NCKAP5: variants seen among roughly 807,000 people sequenced by gnomAD.
NCKAP5 encodes NCK associated protein 5, also known as nck-associated protein 5.
Under a neutral mutation model 167.0 loss-of-function variants are expected in NCKAP5, and 92 were observed. The observed-to-expected ratio is 0.55, with a 90% CI of 0.47 to 0.66. NCKAP5 has a LOEUF of 0.66. NCKAP5 is among the 30% of genes least tolerant of loss of function. NCKAP5 has a pLI of 0.00. For synonymous variants in NCKAP5, 891 were observed against 877.4 expected, an observed-to-expected ratio of 1.02 and a Z score of -0.27; for missense variants, 2,378 against 2,315.0, an observed-to-expected ratio of 1.03 and a Z score of -0.56.
At chr2:133,524,972 G>A (rs1395482024) in intron 2 of NCKAP5, among the ~76,000 whole-genome samples, 1 of 152,136 alleles carries the variant, frequency 6.6e-6, no homozygotes, top group East Asian at 1.9e-4. Flanking sequence ...GTATATGAGT[G>A]TATGTGTGCA....
intron 11 of NCKAP5, among the ~76,000 whole-genome samples, chr2:132,821,405 G>A (rs917432277): frequency 2.6e-5 from 4 of 152,124 alleles, no homozygotes; most frequent in African/African-American, 9.7e-5. Flanking sequence ...TAAGCCCCAG[G>A]AAGCCATCCC....
intron 6 of NCKAP5, among the ~76,000 whole-genome samples, chr2:133,069,880 T>C (rs2080330068): frequency 6.6e-6 from 1 of 151,752 alleles, no homozygotes; most frequent in Non-Finnish European, 1.5e-5. Flanking sequence ...AATATATATA[T>C]ATACACACAC....
chr2:133,657,244 T>A, the NCKAP5 span, among the ~76,000 whole-genome samples: 1 of 152,142 alleles, frequency 6.6e-6, no homozygotes, highest in Non-Finnish European at 1.5e-5. Flanking sequence ...CCCTCACCCA[T>A]CTTGCCCATG....
chr2:133,070,646 A>T (rs1660732219), intron 6 of NCKAP5, among the ~76,000 whole-genome samples: 1 of 152,150 alleles, frequency 6.6e-6, no homozygotes, highest in African/African-American at 2.4e-5. Flanking sequence ...TTTTCAAGTC[A>T]CTGCTACTTG....
At chr2:133,165,178 A>G (rs1215905849) in intron 5 of NCKAP5, among the ~76,000 whole-genome samples, 1 of 152,210 alleles carries the variant, frequency 6.6e-6, no homozygotes, top group Non-Finnish European at 1.5e-5. Context: ...ACACAGAATT[A>G]TCTGGCCCAA....
At chr2:133,205,120 C>G (rs1413647210) in intron 5 of NCKAP5, among the ~76,000 whole-genome samples, 2 of 151,950 alleles carry the variant, frequency 1.3e-5, no homozygotes, top group African/African-American at 4.8e-5. Context: ...GAAACCTTAT[C>G]TCTACAAAAA....
At chr2:133,459,836 C>T (rs1692093008) in intron 3 of NCKAP5, among the ~76,000 whole-genome samples, 1 of 152,126 alleles carries the variant, frequency 6.6e-6, no homozygotes, top group Admixed American at 6.6e-5. Flanking sequence ...CACACACTTT[C>T]ATTAGGAAGC....
At chr2:132,899,048 C>G (rs1693420585) in intron 8 of NCKAP5, among the ~76,000 whole-genome samples, 1 of 152,168 alleles carries the variant, frequency 6.6e-6, no homozygotes, top group South Asian at 2.1e-4. Flanking sequence ...GCCTCTTCTT[C>G]CAATATAAGA....
Position 133,471,837 on chromosome 2 carries a change from C to A in NCKAP5, c.69+45621G>T, listed in dbSNP as rs540701263. Reference sequence around the variant, plus strand: ...CCACTGCAATGCCCAGGAGATGATGCAAGCCATCCCTACCTCACTTGAAAA... The same window carrying A: ...CCACTGCAATGCCCAGGAGATGATGAAAGCCATCCCTACCTCACTTGAAAA... On this transcript the variant is annotated intron_variant, in intron 3 of 19. Transcript: ENST00000409261. 1.1e-3 allele frequency among the ~76,000 whole-genome samples: 174 copies of A among 152,338 alleles called. 1 individual carries two copies. Among genetic ancestry groups the A allele is most frequent in the African/African-American group, 3.5e-3 (145 of 41,576 alleles).
At chr2:132,968,110 G>A (rs1364835321) in intron 7 of NCKAP5, among the ~76,000 whole-genome samples, 1 of 152,158 alleles carries the variant, frequency 6.6e-6, no homozygotes, top group Non-Finnish European at 1.5e-5. Context: ...CAGGAAATGA[G>A]ATCAGAAAGA....
chr2:133,482,336 G>T (rs1680530744), intron 3 of NCKAP5, among the ~76,000 whole-genome samples: 1 of 151,754 alleles, frequency 6.6e-6, no homozygotes, highest in Non-Finnish European at 1.5e-5. Flanking sequence ...TCCTGCCTCA[G>T]CTTCCCGAGT....
intron 3 of NCKAP5, among the ~76,000 whole-genome samples, chr2:133,442,283 C>T (rs1477734911): frequency 6.6e-6 from 1 of 152,150 alleles, no homozygotes; most frequent in African/African-American, 2.4e-5. Context: ...CTAGACAGAG[C>T]TATGCACATA....
intron 3 of NCKAP5, among the ~76,000 whole-genome samples, chr2:133,308,077 C>CTTT (rs1574659188): frequency 3.4e-5 from 4 of 118,324 alleles, no homozygotes; most frequent in East Asian, 2.4e-4. Context: ...AATTATTGTT[C>CTTT]TATTTTTTTT....
At chr2:133,330,397 G>GT (rs796073785) in intron 3 of NCKAP5, among the ~76,000 whole-genome samples, 213 of 127,060 alleles carry the variant, frequency 1.7e-3, no homozygotes, top group African/African-American at 2.3e-3. Flanking sequence ...CATTGTTTTT[G>GT]TTTTTTTTTT....
At chr2:133,517,384 A>T in intron 3 of NCKAP5, 74 bp downstream of exon 3, 2 of 713,194 alleles carry the variant, frequency 2.8e-6, no homozygotes, top group Non-Finnish European at 4.3e-6. Flanking sequence ...CACAGCGTTC[A>T]GGAAATAACA....
intron 3 of NCKAP5, among the ~76,000 whole-genome samples, chr2:133,493,507 G>C (rs1681654504): frequency 6.6e-6 from 1 of 152,152 alleles, no homozygotes; most frequent in Non-Finnish European, 1.5e-5. Flanking sequence ...CGGGAGTAAA[G>C]AATTTTGTTT....
chr2:132,823,216 T>C (rs776586701), intron 11 of NCKAP5, among the ~76,000 whole-genome samples: 2 of 152,182 alleles, frequency 1.3e-5, no homozygotes, highest in Admixed American at 6.5e-5. Context: ...AGGGAATTCA[T>C]TGCAAAAAGA....
chr2:133,471,774 C>G (rs953104806), intron 3 of NCKAP5, among the ~76,000 whole-genome samples: 1 of 152,120 alleles, frequency 6.6e-6, no homozygotes, highest in Non-Finnish European at 1.5e-5. Context: ...CTTGTCCTGA[C>G]CAAATGCCCT....
chr2:132,751,656 G>A (rs1039240170), intron 16 of NCKAP5, among the ~76,000 whole-genome samples: 1 of 152,104 alleles, frequency 6.6e-6, no homozygotes, highest in African/African-American at 2.4e-5. Context: ...AACTTAGCAG[G>A]GTTCCATTGC....
Sources: gnomAD v4.1 joint callset for allele counts (sites outside exome capture counted in the v4.1 genomes callset) on GRCh38, gnomAD v4.1.1 for gene constraint, MANE v1.5 for transcripts, NCBI Gene and HGNC (gene_info 2026-07-23, HGNC 2026-07-21) for gene names.